The following RPS6KC1 variants were observed in gnomAD, a reference collection of about 807,000 sequenced individuals.
The protein encoded by RPS6KC1 is ribosomal protein S6 kinase C1, also known as inactive ribosomal protein S6 kinase delta-1.
RPS6KC1 carries 54 observed loss-of-function variants against 103.8 expected under a neutral mutation model. The ratio of observed to expected loss-of-function variants is 0.52; its 90% CI spans 0.42 to 0.65. The LOEUF (loss-of-function observed/expected upper bound fraction) is 0.65, where lower values mean the gene tolerates loss of function less well. RPS6KC1 is among the 30% of genes least tolerant of loss of function. RPS6KC1 has a pLI of 0.00. For synonymous variants in RPS6KC1, 439 were observed against 438.7 expected (o/e 1.00, Z -0.01); for missense variants, 1,151 against 1,253.8 (o/e 0.92, Z 1.24).
At chr1:213,498,936 C>G in the RPS6KC1 span, among the ~76,000 whole-genome samples, 1 of 151,708 alleles carries the variant, frequency 6.6e-6, no homozygotes, top group Non-Finnish European at 1.5e-5. Flanking sequence ...CCCACTGCCA[C>G]GCTCAGCTGA....
the RPS6KC1 span, among the ~76,000 whole-genome samples, chr1:213,668,770 T>C: frequency 6.6e-6 from 1 of 152,216 alleles, no homozygotes; most frequent in Non-Finnish European, 1.5e-5. Context: ...CCTTCATCAA[T>C]GATCCTAGTT....
At chr1:213,604,271 C>T in the RPS6KC1 span, among the ~76,000 whole-genome samples, 3 of 152,236 alleles carry the variant, frequency 2.0e-5, no homozygotes, top group Non-Finnish European at 4.4e-5. Context: ...ACTTGCTGTT[C>T]CAGCTTAGTG....
At chr1:213,860,465 G>A in the RPS6KC1 span, among the ~76,000 whole-genome samples, 1 of 152,040 alleles carries the variant, frequency 6.6e-6, no homozygotes. Flanking sequence ...ACAGCTATAG[G>A]AGCAATTAAT....
At chr1:213,120,914 TGAAATGAA>T (rs973011715) in intron 5 of RPS6KC1, among the ~76,000 whole-genome samples, 16 of 152,288 alleles carry the variant, frequency 1.1e-4, no homozygotes, top group Admixed American at 8.5e-4. Context: ...TAATATACTT[TGAAATGAA>T]AGTTTTCTGA....
At chr1:213,335,976 A>G in the RPS6KC1 span, among the ~76,000 whole-genome samples, 1 of 152,032 alleles carries the variant, frequency 6.6e-6, no homozygotes, top group Non-Finnish European at 1.5e-5. Context: ...TTTTTAGGAG[A>G]CTCCAATATG....
chr1:213,329,020 C>T, the RPS6KC1 span, among the ~76,000 whole-genome samples: 1 of 152,170 alleles, frequency 6.6e-6, no homozygotes, highest in Non-Finnish European at 1.5e-5. Context: ...GGGCGTGGTG[C>T]TGGTGGTACC....
chr1:213,851,676 T>C, the RPS6KC1 span, among the ~76,000 whole-genome samples: 1 of 152,150 alleles, frequency 6.6e-6, no homozygotes, highest in African/African-American at 2.4e-5. Context: ...CACCTCAACT[T>C]GTGTTTCCAC....
At chr1:213,684,360 A>T in the RPS6KC1 span, among the ~76,000 whole-genome samples, 1 of 152,164 alleles carries the variant, frequency 6.6e-6, no homozygotes, top group African/African-American at 2.4e-5. Context: ...GTTCAAAGTC[A>T]CATCAGTAGT....
chr1:213,250,463 T>G (rs975420261), intron 12 of RPS6KC1, among the ~76,000 whole-genome samples: 1 of 152,198 alleles, frequency 6.6e-6, no homozygotes, highest in Non-Finnish European at 1.5e-5. Flanking sequence ...CAGTCAATGT[T>G]TTCTGAAATA....
At chr1:213,330,928 T>C in the RPS6KC1 span, among the ~76,000 whole-genome samples, 1 of 152,328 alleles carries the variant, frequency 6.6e-6, no homozygotes, top group African/African-American at 2.4e-5. Flanking sequence ...ACATCTCTGC[T>C]GAGCCATTCA....
the RPS6KC1 span, among the ~76,000 whole-genome samples, chr1:213,759,069 C>T: frequency 0.1 from 15,216 of 152,164 alleles, 890 homozygotes; most frequent in Middle Eastern, 0.24. Context: ...ATTGGTGCAG[C>T]GAACTTCACT....
chr1:213,765,347 C>T, the RPS6KC1 span, among the ~76,000 whole-genome samples: 3 of 152,168 alleles, frequency 2.0e-5, no homozygotes, highest in Admixed American at 2.0e-4. Flanking sequence ...ACAGGAATCT[C>T]ATCTCTAAGT....
chr1:213,328,365 TTGC>T, the RPS6KC1 span, among the ~76,000 whole-genome samples: 1 of 151,962 alleles, frequency 6.6e-6, no homozygotes, highest in Non-Finnish European at 1.5e-5. Context: ...CAAAGACATT[TTGC>T]CCAATTTACC....
chr1:213,693,626 G>A, the RPS6KC1 span, among the ~76,000 whole-genome samples: 2 of 152,256 alleles, frequency 1.3e-5, no homozygotes, highest in African/African-American at 4.8e-5. Flanking sequence ...CCTGAGGAAG[G>A]GACCCATTAG....
the RPS6KC1 span, among the ~76,000 whole-genome samples, chr1:213,352,272 C>T: frequency 7.2e-5 from 11 of 152,090 alleles, 1 homozygote; most frequent in South Asian, 2.3e-3. Flanking sequence ...TGAACTGAGG[C>T]GTTCTTCAAT....
the RPS6KC1 span, among the ~76,000 whole-genome samples, chr1:213,523,239 G>A: frequency 3.9e-5 from 6 of 152,336 alleles, no homozygotes; most frequent in African/African-American, 1.2e-4. Context: ...TAAGTTCACC[G>A]TCTTACATGG....
chr1:213,386,452 G>A, the RPS6KC1 span, among the ~76,000 whole-genome samples: 56 of 152,314 alleles, frequency 3.7e-4, no homozygotes, highest in Non-Finnish European at 5.4e-4. Flanking sequence ...GGATGAGATC[G>A]ATGAAGTGCT....
At chr1:213,355,045 C>T in the RPS6KC1 span, among the ~76,000 whole-genome samples, 5 of 152,160 alleles carry the variant, frequency 3.3e-5, no homozygotes, top group Admixed American at 6.5e-5. Flanking sequence ...TGGTGAAACC[C>T]TGCCTCTACT....
At chr1:213,736,059 C>G in the RPS6KC1 span, among the ~76,000 whole-genome samples, 1 of 152,172 alleles carries the variant, frequency 6.6e-6, no homozygotes, top group African/African-American at 2.4e-5. Flanking sequence ...GACCTCATCC[C>G]AGTAAGGCAG....
Sources: gnomAD v4.1 joint callset for allele counts (sites outside exome capture counted in the v4.1 genomes callset) on GRCh38, gnomAD v4.1.1 for gene constraint, MANE v1.5 for transcripts, NCBI Gene and HGNC (gene_info 2026-07-23, HGNC 2026-07-21) for gene names.